IL10RB: variants seen among roughly 807,000 people sequenced by gnomAD.
IL10RB encodes the protein interleukin 10 receptor subunit beta.
In IL10RB, 30 loss-of-function variants were observed where a neutral mutation model predicts 38.7. The ratio of observed to expected loss-of-function variants is 0.78; its 90% CI spans 0.58 to 1.05. The LOEUF (loss-of-function observed/expected upper bound fraction) is 1.05, where lower values mean the gene tolerates loss of function less well. IL10RB is among the 50% of genes least tolerant of loss of function. The pLI is 0.00. For missense variants in IL10RB, 328 were observed against 397.1 expected, an observed-to-expected ratio of 0.83 and a Z score of 1.48; for synonymous variants, 142 against 145.9, an observed-to-expected ratio of 0.97 and a Z score of 0.19.
chr21:33,272,443 A>T (rs8178460), intron 2 of IL10RB, among the ~76,000 whole-genome samples: 107 of 152,030 alleles, frequency 7.0e-4, no homozygotes, highest in African/African-American at 2.3e-3. Flanking sequence ...ATAAATTTTT[A>T]AATTAAATTA....
chr21:33,294,101 G>A (rs1326990719), intron 6 of IL10RB: 1 of 469,302 alleles, frequency 2.1e-6, no homozygotes, highest in Non-Finnish European at 4.4e-6. Context: ...AGAAGACTTT[G>A]CAGACTTGAC....
chr21:33,275,309 C>T (rs567837802), intron 2 of IL10RB, among the ~76,000 whole-genome samples: 539 of 152,200 alleles, frequency 3.5e-3, no homozygotes, highest in African/African-American at 0.012. Context: ...GTGCATGCCA[C>T]CATGCCCGGC....
intron 6 of IL10RB, among the ~76,000 whole-genome samples, chr21:33,292,871 C>G (rs1454252871): frequency 1.3e-5 from 2 of 152,218 alleles, no homozygotes; most frequent in Non-Finnish European, 2.9e-5. Flanking sequence ...CATAGGGCTG[C>G]AGGCTGCACG....
intron 5 of IL10RB, among the ~76,000 whole-genome samples, chr21:33,287,465 C>T (rs2123591174): frequency 6.6e-6 from 1 of 152,186 alleles, no homozygotes; most frequent in East Asian, 1.9e-4. Flanking sequence ...CTCAAGCGAC[C>T]CTCCCACCTC....
intron 5 of IL10RB, among the ~76,000 whole-genome samples, chr21:33,285,694 G>A (rs1361610942): frequency 1.3e-5 from 2 of 152,190 alleles, no homozygotes; most frequent in African/African-American, 2.4e-5. Flanking sequence ...ATAACAGGGC[G>A]GGGCCCATGG....
chr21:33,302,989 G>A (rs2082989596), intron 1 of IL10RB, among the ~76,000 whole-genome samples: 1 of 152,194 alleles, frequency 6.6e-6, no homozygotes, highest in South Asian at 2.1e-4. Context: ...TGCGGTCAAG[G>A]TCTCAGGCCC....
intron 6 of IL10RB, chr21:33,294,275 C>T (rs1199318553): frequency 2.2e-5 from 7 of 318,810 alleles, no homozygotes; most frequent in African/African-American, 4.4e-5. Context: ...AGGATCATTT[C>T]GAGTTCAGGG....
chr21:33,289,174 G>T (rs1349419923), intron 6 of IL10RB, among the ~76,000 whole-genome samples: 1 of 152,246 alleles, frequency 6.6e-6, no homozygotes, highest in East Asian at 1.9e-4. Flanking sequence ...CTCCCAGGAA[G>T]GGGCCCTAAG....
chr21:33,302,269 AG>A (rs2082987766), intron 1 of IL10RB, among the ~76,000 whole-genome samples: 1 of 152,262 alleles, frequency 6.6e-6, no homozygotes, highest in African/African-American at 2.4e-5. Context: ...CTCCTCATCC[AG>A]GGAGCTGCCA....
chr21:33,268,329 G>A (rs1210134762), intron 1 of IL10RB, 65 bp from the exon 2 acceptor site: 2 of 1,610,722 alleles, frequency 1.2e-6, no homozygotes, highest in East Asian at 2.2e-5. Context: ...TGCTGGATGT[G>A]GGCTTTTTCA....
intron 6 of IL10RB, among the ~76,000 whole-genome samples, chr21:33,291,776 G>A (rs1989492726): frequency 1.3e-5 from 2 of 152,146 alleles, no homozygotes; most frequent in African/African-American, 4.8e-5. Flanking sequence ...GCTACCAGGT[G>A]GCTGGTCAGT....
intron 1 of IL10RB, among the ~76,000 whole-genome samples, chr21:33,306,033 T>C (rs563641183): frequency 6.6e-6 from 1 of 152,238 alleles, no homozygotes; most frequent in South Asian, 2.1e-4. Context: ...TGTTTTACCA[T>C]GTGAGCCAGG....
chr21:33,280,435 C>A (rs1390273266), intron 4 of IL10RB, among the ~76,000 whole-genome samples: 1 of 152,142 alleles, frequency 6.6e-6, no homozygotes, highest in Non-Finnish European at 1.5e-5. Flanking sequence ...CTCAAGTCTG[C>A]AAAATGGGCA....
chr21:33,309,444 G>A (rs1057308818), exon 2 of IL10RB: 12 of 152,168 alleles, frequency 7.9e-5, no homozygotes, highest in Non-Finnish European at 1.6e-4. Context: ...ACAATTCTAT[G>A]GTCTTAGCAG....
intron 2 of IL10RB, among the ~76,000 whole-genome samples, chr21:33,274,276 C>G (rs1235189977): frequency 6.6e-6 from 1 of 152,176 alleles, no homozygotes; most frequent in African/African-American, 2.4e-5. Flanking sequence ...GCCTCCACCT[C>G]CCAGGTTCAA....
At position 33,280,948 on chromosome 21, in the gene IL10RB, C is replaced by T. The variant is rs138076414; in HGVS notation, c.498+1030C>T. Reference sequence around the variant, plus strand: ...CCTTTCCTGCTGCCACAACAAAATACCACAGACTAGGTAACTTATAAACAC... The same window carrying T: ...CCTTTCCTGCTGCCACAACAAAATATCACAGACTAGGTAACTTATAAACAC... On this transcript the variant is annotated intron_variant, in intron 4 of 6. Coordinates refer to ENST00000290200, the MANE Select transcript of IL10RB (RefSeq NM_000628.5). 1.7e-3 allele frequency among the ~76,000 whole-genome samples: 258 copies of T among 152,304 alleles called. 1 individual carries two copies. In the East Asian group the frequency reaches 0.018, roughly 10 times the overall value.
At chr21:33,301,216 A>G (rs1035029090), downstream of IL10RB, among the ~76,000 whole-genome samples, 5 of 152,162 alleles carry the variant, frequency 3.3e-5, no homozygotes, top group African/African-American at 1.2e-4. Flanking sequence ...AACAAAGTCT[A>G]TTTTATGAAC....
At chr21:33,280,860 A>C (rs1021185122) in intron 4 of IL10RB, among the ~76,000 whole-genome samples, 2 of 152,252 alleles carry the variant, frequency 1.3e-5, no homozygotes, top group African/African-American at 4.8e-5. Context: ...TGCATAGCCC[A>C]AAAAATCTCA....
rs150526845 is a variant in IL10RB at position 33,288,161 on chromosome 21, G to T, written c.704G>T (p.Cys235Phe). The change falls in exon 6 of 7, where the codon TGC becomes TTC. Residue 235 changes from cysteine (C) to phenylalanine (F), a missense_variant. Transcript: ENST00000290200. Reference sequence around the variant, plus strand: ...CTCATGGCCTCGGTCTTCATGGTCTGCCTGGCACTCCTCGGCTGCTTCGCC... The same window carrying T: ...CTCATGGCCTCGGTCTTCATGGTCTTCCTGGCACTCCTCGGCTGCTTCGCC... ...VILMASVFMVCLALLGCFALL... is the reference protein window; with the variant it reads ...VILMASVFMVFLALLGCFALL... 6 of 1,613,998 alleles carry T rather than the reference G, an allele frequency of 3.7e-6. No individual in the cohort carries two copies. The highest frequency in any genetic ancestry group is 5.1e-6 in the Non-Finnish European group (6 of 1,180,018).
Sources: allele counts gnomAD v4.1 joint callset (sites outside exome capture counted in the v4.1 genomes callset), GRCh38; gene constraint gnomAD v4.1.1; transcripts MANE v1.5; gene names NCBI Gene and HGNC (gene_info 2026-07-23, HGNC 2026-07-21).